CDH24: variants seen among roughly 807,000 people sequenced by gnomAD.
CDH24 encodes cadherin 24.
A neutral mutation model predicts 71.2 loss-of-function variants in CDH24; 61 were observed. That is an observed-to-expected ratio of 0.86 (90% CI 0.70 to 1.06). The LOEUF (loss-of-function observed/expected upper bound fraction) is 1.06. CDH24 is among the 50% of genes least tolerant of loss of function. CDH24 has a pLI of 0.00. For missense variants in CDH24, 961 were observed against 1,083.7 expected (o/e 0.89, Z 1.59); for synonymous variants, 440 against 470.2 (o/e 0.94, Z 0.83).
rs1008898894 is a variant in CDH24, at chr14:23,047,626, A to C, written c.*354T>G. ...ACACAGAGCATGTGTATGGGCAAGG[A>C]AGACGCAGGGAGACTATGTGTGAGC... On this transcript the variant is annotated 3_prime_UTR_variant, in exon 12 of 13. Coordinates refer to ENST00000487137, the MANE Select transcript of CDH24 (RefSeq NM_144985.4). The C allele has an allele frequency of 5.2e-6, 1 of 193,276 alleles. No homozygotes were observed. The highest frequency in any genetic ancestry group is 1.1e-5 in the Non-Finnish European group (1 of 95,044). The allele number at this position is 193,276 out of a possible 1,614,324, so 12.0% of individuals were successfully genotyped here.
rs752646571 is a variant in CDH24, at chr14:23,049,267, C to T, written c.1606G>A (p.Ala536Thr). The part of the protein sequence containing the change: ...FTVQDNRDGS[A>T]SLLLPSRPAP... The stretch of plus-strand genomic sequence containing the variant: ...GGGCGGGAGGGCAGCAGCAGGCTGG[C>T]GGAGCCATCTGTGGGAGAGGGAAGG... Residue 536 changes from alanine to threonine, a missense_variant, in exon 11 of 13, where the codon GCC (alanine) becomes ACC (threonine). Around this residue, in one of 2 missense-constraint regions of CDH24, gnomAD observed 671 missense variants for 810.9 expected, o/e 0.83. Coordinates refer to ENST00000487137, the MANE Select transcript of CDH24 (RefSeq NM_144985.4). 5.7e-6 allele frequency: 9 copies of T among 1,571,346 alleles called. No homozygotes were observed. The highest frequency in any genetic ancestry group is 1.9e-4 in the Middle Eastern group (1 of 5,326).
intron 8 of CDH24, among the ~76,000 whole-genome samples, chr14:23,050,641 C>A (rs991330442): frequency 6.6e-6 from 1 of 152,146 alleles, no homozygotes; most frequent in Admixed American, 6.5e-5. Flanking sequence ...AGCCTGGGTA[C>A]CACAGCCAGA....
rs753215054 is a variant in CDH24, at chr14:23,054,258, G to A, written c.855C>T (p.Asp285=). 6.2e-7 allele frequency: 1 copy of A among 1,613,652 alleles called. No individual in the cohort carries two copies. Among genetic ancestry groups the A allele is most frequent in the Admixed American group, 1.7e-5 (1 of 59,998 alleles). ...TCAGGGCGTTGTCCCCCAGGTCTGGGTCCTGGGCCCGGAGCCGGCCCACCA... is the reference window on the plus strand; with the variant it reads ...TCAGGGCGTTGTCCCCCAGGTCTGGATCCTGGGCCCGGAGCCGGCCCACCA... The part of the protein sequence containing the change: ...GTLVGRLRAQ[D]PDLGDNALMA... Residue 285 remains aspartate (D), a synonymous_variant, in exon 6 of 13, where the codon GAC becomes GAT. Transcript: ENST00000487137. This position sits in a 1 kb window ranked among gnomAD's most constrained non-coding sequence, Gnocchi z 5.2.
rs776689396 is a variant in CDH24, at chr14:23,054,837, C to T, written c.526G>A (p.Asp176Asn). 1.3e-4 allele frequency: 206 copies of T among 1,613,506 alleles called. No homozygotes were observed. The highest frequency in any genetic ancestry group is 1.7e-4 in the Non-Finnish European group (195 of 1,180,008). ...GTSVIQVTAH[D>N]ADDPSYGNSA... The stretch of plus-strand genomic sequence containing the variant: ...TTCCCATAGCTGGGGTCATCAGCAT[C>T]GTGAGCAGTCACCTGGATCACTGAT... The change falls in exon 4 of 13, where the codon GAT (aspartate) becomes AAT (asparagine). Residue 176 changes from aspartate to asparagine, a missense_variant. Transcript: ENST00000487137. This position sits in a 1 kb window ranked among gnomAD's most constrained non-coding sequence, Gnocchi z 5.2.
At position 23,055,161 on chromosome 14, in the gene CDH24, G is replaced by A. The variant is rs375516907; in HGVS notation, c.394C>T (p.Pro132Ser). 6 of 1,614,140 alleles carry A rather than the reference G, an allele frequency of 3.7e-6. No individual in the cohort carries two copies. The highest frequency in any genetic ancestry group is 5.1e-6 in the Non-Finnish European group (6 of 1,180,010). The change falls in exon 3 of 13, where the codon CCC (proline) becomes TCC (serine). Residue 132 changes from proline to serine, a missense_variant. By Grantham distance (74) the Pro-to-Ser change is moderately conservative. Around this residue, in one of 2 missense-constraint regions of CDH24, gnomAD observed 671 missense variants for 810.9 expected, o/e 0.83. Coordinates refer to ENST00000487137, the MANE Select transcript of CDH24 (RefSeq NM_144985.4). This position sits in a 1 kb window ranked among gnomAD's most constrained non-coding sequence, Gnocchi z 4.1. Reference sequence around the variant, plus strand: ...ACTTTGATGATGAACTCTGATGGGGGCTCCAGGGGCCGGTTGGAGGCTCGG... The same window carrying A: ...ACTTTGATGATGAACTCTGATGGGGACTCCAGGGGCCGGTTGGAGGCTCGG... ...VDRASNRPLE[P>S]PSEFIIKVQD... is the part of the protein sequence containing the mutation.
chr14:23,049,922 C>T lies in CDH24; in HGVS notation c.1385G>A (p.Arg462His), dbSNP rs116261083. The change falls in exon 9 of 13, where the codon CGC becomes CAC. Residue 462 changes from arginine to histidine, a missense_variant. Transcript: ENST00000487137. ...CAGGGTCTGGATGGCCACTTGCACGCGCGAGGCCTGTGCAGAACTGTCTGA... is the reference window on the plus strand; with the variant it reads ...CAGGGTCTGGATGGCCACTTGCACGTGCGAGGCCTGTGCAGAACTGTCTGA... ...TELDSSAQAS[R>H]VQVAIQTLDE... 0.028 allele frequency: 45,235 copies of T among 1,613,806 alleles called. 715 individuals carry two copies. The highest frequency in any genetic ancestry group is 0.032 in the African/African-American group (2,407 of 74,996).
At position 23,048,141 on chromosome 14, in the gene CDH24, C is replaced by T. The variant is rs759808863; in HGVS notation, c.2185G>A (p.Gly729Ser). ...CAAGAGGAGCCGCGGCCCTCGTAGCCGTACACCTGCACCGAGTCGTACGGG... is the reference window on the plus strand; with the variant it reads ...CAAGAGGAGCCGCGGCCCTCGTAGCTGTACACCTGCACCGAGTCGTACGGG... ...VPPYDSVQVY[G>S]YEGRGSSCGS... Residue 729 changes from glycine (G) to serine (S), a missense_variant, in exon 12 of 13, where the codon GGC (glycine) becomes AGC (serine). This residue lies in a region of CDH24 where 290 missense variants were observed against 272.8 expected (regional missense o/e 1.06). Coordinates refer to ENST00000487137, the MANE Select transcript of CDH24 (RefSeq NM_144985.4). 1.4e-6 allele frequency: 2 copies of T among 1,392,486 alleles called. No homozygotes were observed. Among genetic ancestry groups the T allele is most frequent in the Admixed American group, 3.4e-5 (1 of 29,500 alleles). 86.3% of individuals were successfully genotyped at this position (1,392,486 alleles called of 1,614,324 possible).
chr14:23,054,085 C>T lies in CDH24; in HGVS notation c.972+56G>A. 6.7e-7 allele frequency: 1 copy of T among 1,503,378 alleles called. No individual in the cohort carries two copies. 93.1% of individuals were successfully genotyped at this position (1,503,378 alleles called of 1,614,324 possible). ...CTAGAAGAACAGTTAAATATGTGCCCTGTGGGTCGGCAGGAGGCAGGTCTA... is the reference window on the plus strand; with the variant it reads ...CTAGAAGAACAGTTAAATATGTGCCTTGTGGGTCGGCAGGAGGCAGGTCTA... On this transcript the variant is annotated intron_variant, in intron 6 of 12. Transcript: ENST00000487137. The surrounding 1 kb of genome is among the most constrained non-coding windows in gnomAD (Gnocchi z 5.2).
rs2047142019 is a variant in CDH24 at position 23,057,126 on chromosome 14, A to G, written c.-125+277T>C. Among the ~76,000 whole-genome samples the G allele has an allele frequency of 6.6e-6, 1 of 150,716 alleles. No homozygotes were observed. The highest frequency in any genetic ancestry group is 2.1e-4 in the South Asian group (1 of 4,760). On this transcript the variant is annotated intron_variant, in intron 1 of 12. Transcript: ENST00000487137. The surrounding 1 kb of genome is among the most constrained non-coding windows in gnomAD (Gnocchi z 5.4). ...AGAAAAAGGCAAAGAGGGAGAGGAG[A>G]TGGAAAAAGGACAAGAGGGAGAGGG...
In CDH24 at chr14:23,055,439, C is replaced by T; in HGVS notation, c.202-86G>A. ...TAGGTTTGGGTAGAGCGTTGGGAGTCCTGAGGGACCAAGGTCATTGCAGAA... is the reference window on the plus strand; with the variant it reads ...TAGGTTTGGGTAGAGCGTTGGGAGTTCTGAGGGACCAAGGTCATTGCAGAA... On this transcript the variant is annotated intron_variant, in intron 2 of 12. Coordinates refer to ENST00000487137, the MANE Select transcript of CDH24 (RefSeq NM_144985.4). The surrounding 1 kb of genome is among the most constrained non-coding windows in gnomAD (Gnocchi z 4.1). The T allele has an allele frequency of 6.3e-7, 1 of 1,585,032 alleles. No homozygotes were observed. Among genetic ancestry groups the T allele is most frequent in the South Asian group, 1.1e-5 (1 of 87,164 alleles).
chr14:23,054,722 C>T lies in CDH24; in HGVS notation c.616+25G>A. 5 of 1,614,032 alleles carry T rather than the reference C, an allele frequency of 3.1e-6. No homozygotes were observed. Among genetic ancestry groups the T allele is most frequent in the Non-Finnish European group, 4.2e-6 (5 of 1,179,970 alleles). On this transcript the variant is annotated intron_variant, in intron 4 of 12. Coordinates refer to ENST00000487137, the MANE Select transcript of CDH24 (RefSeq NM_144985.4). The surrounding 1 kb of genome is among the most constrained non-coding windows in gnomAD (Gnocchi z 5.2). ...GGTGTCTGTCCCCTTGGCTGCCCCACCGGGCTCCCAGGCTCCATCCTCACC... is the reference window on the plus strand; with the variant it reads ...GGTGTCTGTCCCCTTGGCTGCCCCATCGGGCTCCCAGGCTCCATCCTCACC...
At chr14:23,053,796 G>A in intron 6 of CDH24, 47 bp from the exon 7 acceptor site, 1 of 1,551,612 alleles carries the variant, frequency 6.4e-7, no homozygotes, top group Non-Finnish European at 8.7e-7. Flanking sequence ...TGGAAACCAG[G>A]GCAGGTCCCA....
chr14:23,052,315 G>A (rs868106964), intron 8 of CDH24, 158 bp downstream of exon 8: 1 of 862,296 alleles, frequency 1.2e-6, no homozygotes, highest in South Asian at 1.4e-5. Context: ...TCCAGGCTAG[G>A]ACTTGGATCC....
chr14:23,053,539 G>T lies in CDH24; in HGVS notation c.1183C>A (p.Gln395Lys). The change falls in exon 7 of 13, where the codon CAG (glutamine) becomes AAG (lysine). Residue 395 changes from glutamine (Q) to lysine (K), a missense_variant. Gln to Lys is a moderately conservative substitution (Grantham distance 53). This residue lies in a region of CDH24 where 671 missense variants were observed against 810.9 expected (regional missense o/e 0.83). Transcript: ENST00000487137. ...GAGTCCAGGTCAGCCGCGGAGATCTGGCCTACCAGGGTCCCCGGGGCCTTG... is the reference window on the plus strand; with the variant it reads ...GAGTCCAGGTCAGCCGCGGAGATCTTGCCTACCAGGGTCCCCGGGGCCTTG... ...ENKAPGTLVG[Q>K]ISAADLDSPA... 1 of 1,603,428 alleles carries T rather than the reference G, an allele frequency of 6.2e-7. No homozygotes were observed.
At position 23,047,966 on chromosome 14, in the gene CDH24, G is replaced by T. The variant is rs1334684075; in HGVS notation, c.*14C>A. 5 of 1,317,376 alleles carry T rather than the reference G, an allele frequency of 3.8e-6. No individual in the cohort carries two copies. Among genetic ancestry groups the T allele is most frequent in the Non-Finnish European group, 4.8e-6 (5 of 1,039,002 alleles). 81.6% of individuals were successfully genotyped at this position (1,317,376 alleles called of 1,614,324 possible). A position where few individuals can be genotyped will look rare whatever the true frequency, so the allele number is the denominator to read the frequency against. On this transcript the variant is annotated 3_prime_UTR_variant, in exon 12 of 13. Coordinates refer to ENST00000487137, the MANE Select transcript of CDH24 (RefSeq NM_144985.4). ...CTGCCCCCCCCCCGCGGTGGGCCGG[G>T]CCAGCCCGGGCGCTCAGGGGGCCGG...
rs181306038 is a variant in CDH24, at chr14:23,055,449, C to G, written c.201+84G>C. 4.9e-3 allele frequency: 7,742 copies of G among 1,586,956 alleles called. 29 individuals are homozygous for G. The highest frequency in any genetic ancestry group is 6.2e-3 in the Non-Finnish European group (7,231 of 1,162,944). On this transcript the variant is annotated intron_variant, in intron 2 of 12. Coordinates refer to ENST00000487137, the MANE Select transcript of CDH24 (RefSeq NM_144985.4). The surrounding 1 kb of genome is among the most constrained non-coding windows in gnomAD (Gnocchi z 4.1). Reference sequence around the variant, plus strand: ...TAGAGCGTTGGGAGTCCTGAGGGACCAAGGTCATTGCAGAAGTGATGAAGT... The same window carrying G: ...TAGAGCGTTGGGAGTCCTGAGGGACGAAGGTCATTGCAGAAGTGATGAAGT...
At chr14:23,056,215 C>G (rs1360395177) in intron 1 of CDH24, among the ~76,000 whole-genome samples, 1 of 152,194 alleles carries the variant, frequency 6.6e-6, no homozygotes, top group African/African-American at 2.4e-5. Flanking sequence ...CTTAAAATTA[C>G]GGAGTTGGGA....
At chr14:23,050,233 T>C (rs758509938) in intron 8 of CDH24, 47 of 304,806 alleles carry the variant, frequency 1.5e-4, no homozygotes, top group Non-Finnish European at 2.5e-4. Flanking sequence ...GCAGGGCACA[T>C]GCAGCATAAA....
At position 23,047,823 on chromosome 14, in the gene CDH24, G is replaced by C. The variant is rs2047051586; in HGVS notation, c.*157C>G. 1 of 419,376 alleles carries C rather than the reference G, an allele frequency of 2.4e-6. No homozygotes were observed. Among genetic ancestry groups the C allele is most frequent in the East Asian group, 4.0e-5 (1 of 25,020 alleles). The allele number at this position is 419,376 out of a possible 1,614,324, so 26.0% of individuals were successfully genotyped here. A position where few individuals can be genotyped will look rare whatever the true frequency, so the allele number is the denominator to read the frequency against. On this transcript the variant is annotated 3_prime_UTR_variant, in exon 12 of 13. Coordinates refer to ENST00000487137, the MANE Select transcript of CDH24 (RefSeq NM_144985.4). Reference sequence around the variant, plus strand: ...CACCGACTCAGGAGGAGGGAGGTGAGAGCGAGGGTGCCCCGGGGAAGCAAG... The same window carrying C: ...CACCGACTCAGGAGGAGGGAGGTGACAGCGAGGGTGCCCCGGGGAAGCAAG...
Sources: allele counts gnomAD v4.1 joint callset (sites outside exome capture counted in the v4.1 genomes callset), GRCh38; gene constraint gnomAD v4.1.1; regional missense constraint gnomAD v4.1.1; non-coding constraint Gnocchi (gnomAD v3.1); transcripts MANE v1.5; gene names NCBI Gene and HGNC (gene_info 2026-07-23, HGNC 2026-07-21).